RSBN1: variants seen among roughly 807,000 people sequenced by gnomAD.
RSBN1 encodes lysine-specific demethylase 9.
RSBN1 carries 23 observed loss-of-function variants against 74.8 expected under a neutral mutation model. The observed-to-expected ratio is 0.31, with a 90% CI of 0.22 to 0.44. RSBN1 has a LOEUF of 0.44. Among genes scored for constraint, RSBN1 ranks in the 20% least tolerant of loss-of-function variants. The pLI is 1.00. For missense variants in RSBN1, 808 were observed against 1,020.9 expected (o/e 0.79, Z 2.84); for synonymous variants, 407 against 379.6 (o/e 1.07, Z -0.84).
At chr1:113,798,168 G>A (rs899009587) in intron 1 of RSBN1, 132 bp from the exon 2 acceptor site, 9 of 701,172 alleles carry the variant, frequency 1.3e-5, no homozygotes, top group Non-Finnish European at 1.9e-5. Flanking sequence ...TACGTGTTTA[G>A]AAAACAAATG....
chr1:113,769,410 A>G (rs1230327466), intron 4 of RSBN1, among the ~76,000 whole-genome samples: 2 of 152,064 alleles, frequency 1.3e-5, no homozygotes, highest in Non-Finnish European at 2.9e-5. Context: ...CATTAAAATG[A>G]AAGTAAAAGT....
At position 113,797,460 on chromosome 1, in the gene RSBN1, T is replaced by C. The variant is rs1660493690; in HGVS notation, c.1280A>G (p.Asp427Gly). Reference sequence around the variant, plus strand: ...GTTGGGGAAATTAAAAGCAAAGTAGTCCAAGAAGTCTGGGAGATAAGCAGC... The same window carrying C: ...GTTGGGGAAATTAAAAGCAAAGTAGCCCAAGAAGTCTGGGAGATAAGCAGC... ...GAAAYLPDFL[D>G]YFAFNFPNTP... The change falls in exon 2 of 7, where the codon GAC (aspartate) becomes GGC (glycine). Residue 427 changes from aspartate (D) to glycine (G), a missense_variant. Physicochemically the swap from Asp to Gly is moderately conservative, Grantham distance 94. Around this residue, in one of 6 missense-constraint regions of RSBN1, gnomAD observed 112 missense variants for 257.3 expected, o/e 0.44. Transcript: ENST00000261441. The C allele has an allele frequency of 6.2e-7, 1 of 1,614,054 alleles. No homozygotes were observed. The highest frequency in any genetic ancestry group is 2.2e-5 in the East Asian group (1 of 44,880).
intron 4 of RSBN1, among the ~76,000 whole-genome samples, chr1:113,776,372 G>A (rs753219552): frequency 3.3e-5 from 5 of 152,160 alleles, no homozygotes; most frequent in Non-Finnish European, 5.9e-5. Flanking sequence ...AGGAGGTGAC[G>A]TCCAAGTTAA....
In RSBN1 at chr1:113,763,823, T is replaced by C. The variant is rs1157938900; in HGVS notation, c.*2157A>G. 6.6e-6 allele frequency: 1 copy of C among 152,656 alleles called. No individual in the cohort carries two copies. Among genetic ancestry groups the C allele is most frequent in the African/African-American group, 2.4e-5 (1 of 41,404 alleles). The allele number at this position is 152,656 out of a possible 1,614,324, so 9.5% of individuals were successfully genotyped here. On this transcript the variant is annotated 3_prime_UTR_variant, in exon 7 of 7. Coordinates refer to ENST00000261441, the MANE Select transcript of RSBN1 (RefSeq NM_018364.5). ...GTTCCTGAGTGATAATACACAGTGC[T>C]GGCTGTCAGGAGACAGTCTCCTTGT...
At chr1:113,794,248 G>T (rs1203054282) in intron 2 of RSBN1, among the ~76,000 whole-genome samples, 1 of 152,006 alleles carries the variant, frequency 6.6e-6, no homozygotes, top group Non-Finnish European at 1.5e-5. Flanking sequence ...TTATGACATG[G>T]TTACTATCGT....
rs758454157 is a variant in RSBN1, at chr1:113,797,430, G to A, written c.1310C>T (p.Pro437Leu). Residue 437 changes from proline (P) to leucine (L), a missense_variant, in exon 2 of 7, where the codon CCA (proline) becomes CTA (leucine). By Grantham distance (98) the Pro-to-Leu change is moderately conservative. Coordinates refer to ENST00000261441, the MANE Select transcript of RSBN1 (RefSeq NM_018364.5). ...CTTGCCCAGAATTTCCATTTTCACT[G>A]GAGTGTTGGGGAAATTAAAAGCAAA... ...DYFAFNFPNTPVKMEILGKKD... is the reference protein window; with the variant it reads ...DYFAFNFPNTLVKMEILGKKD... 1 of 1,614,040 alleles carries A rather than the reference G, an allele frequency of 6.2e-7. No individual in the cohort carries two copies. Among genetic ancestry groups the A allele is most frequent in the Non-Finnish European group, 8.5e-7 (1 of 1,179,964 alleles).
Position 113,797,487 on chromosome 1 carries a change from G to A in RSBN1, c.1253C>T (p.Ala418Val). 1 of 1,613,944 alleles carries A rather than the reference G, an allele frequency of 6.2e-7. No individual in the cohort carries two copies. Among genetic ancestry groups the A allele is most frequent in the Non-Finnish European group, 8.5e-7 (1 of 1,179,932 alleles). The change falls in exon 2 of 7, where the codon GCG becomes GTG. Residue 418 changes from alanine to valine, a missense_variant. Transcript: ENST00000261441. ...CAAGAAGTCTGGGAGATAAGCAGCC[G>A]CTCCATGCACTATTGCTAAAGCATA... ...AYYALAIVHG[A>V]AAYLPDFLDY...
chr1:113,770,469 C>T (rs183432611), intron 4 of RSBN1, among the ~76,000 whole-genome samples: 113 of 152,222 alleles, frequency 7.4e-4, no homozygotes, highest in African/African-American at 2.6e-3. Flanking sequence ...AAGTTTGAAC[C>T]AAAATTTTTG....
chr1:113,799,971 A>C (rs1660549193), intron 1 of RSBN1, among the ~76,000 whole-genome samples: 1 of 152,168 alleles, frequency 6.6e-6, no homozygotes, highest in African/African-American at 2.4e-5. Context: ...TTTGGAGTTA[A>C]GACAAATATT....
At chr1:113,810,995 A>T (rs1401934316) in intron 1 of RSBN1, among the ~76,000 whole-genome samples, 1 of 152,220 alleles carries the variant, frequency 6.6e-6, no homozygotes, top group Non-Finnish European at 1.5e-5. Flanking sequence ...TAACAGATCC[A>T]CAAAGTGTGC....
In RSBN1 at chr1:113,812,156, T is replaced by G; in HGVS notation, c.257A>C (p.Lys86Thr). 6.2e-7 allele frequency: 1 copy of G among 1,609,526 alleles called. No individual in the cohort carries two copies. The highest frequency in any genetic ancestry group is 8.5e-7 in the Non-Finnish European group (1 of 1,179,716). The change falls in exon 1 of 7, where the codon AAA (lysine) becomes ACA (threonine). Residue 86 changes from lysine (K) to threonine (T), a missense_variant. Lys to Thr is a moderately conservative substitution (Grantham distance 78, BLOSUM62 -1). Transcript: ENST00000261441. ...PHAGVSPRGV[K>T]RQRRSSSGGS... ...CCCACTGCTAGATCGGCGCTGCCGT[T>G]TAACTCCCCGCGGGGAGACCCCAGC...
At chr1:113,790,601 G>A (rs1484691334) in intron 2 of RSBN1, among the ~76,000 whole-genome samples, 2 of 152,066 alleles carry the variant, frequency 1.3e-5, no homozygotes, top group African/African-American at 4.8e-5. Context: ...CAACCCAATG[G>A]GAAGCATTAT....
chr1:113,805,507 CTG>C (rs1660683436), intron 1 of RSBN1, among the ~76,000 whole-genome samples: 1 of 152,272 alleles, frequency 6.6e-6, no homozygotes, highest in Admixed American at 6.5e-5. Flanking sequence ...TTAAATATCT[CTG>C]TTAAATAATC....
At chr1:113,767,614 C>G (rs1659805396) in intron 5 of RSBN1, among the ~76,000 whole-genome samples, 1 of 152,166 alleles carries the variant, frequency 6.6e-6, no homozygotes, top group Non-Finnish European at 1.5e-5. Context: ...AGCAACTTCA[C>G]TCCTGGGTGT....
rs532122970 is a variant in RSBN1, at chr1:113,763,097, A to G, written c.*2883T>C. ...TATTATTGCTTTATGAATTTGGGTTACCACTTTGAATCATCATCCTACTCC... is the reference window on the plus strand; with the variant it reads ...TATTATTGCTTTATGAATTTGGGTTGCCACTTTGAATCATCATCCTACTCC... On this transcript the variant is annotated 3_prime_UTR_variant, in exon 7 of 7. Coordinates refer to ENST00000261441, the MANE Select transcript of RSBN1 (RefSeq NM_018364.5). 3.3e-5 allele frequency: 5 copies of G among 152,888 alleles called. No individual in the cohort carries two copies. Among genetic ancestry groups the G allele is most frequent in the African/African-American group, 1.2e-4 (5 of 41,574 alleles). 9.5% of individuals were successfully genotyped at this position (152,888 alleles called of 1,614,324 possible). A position where few individuals can be genotyped will look rare whatever the true frequency, so the allele number is the denominator to read the frequency against.
At chr1:113,790,630 A>G (rs1186076615) in intron 2 of RSBN1, among the ~76,000 whole-genome samples, 1 of 152,254 alleles carries the variant, frequency 6.6e-6, no homozygotes, top group Non-Finnish European at 1.5e-5. Context: ...ATGAAGAGAC[A>G]AAGTCCCCAG....
At chr1:113,802,552 GTA>G (rs931831809) in intron 1 of RSBN1, among the ~76,000 whole-genome samples, 18 of 152,196 alleles carry the variant, frequency 1.2e-4, no homozygotes, top group African/African-American at 4.3e-4. Flanking sequence ...GTGAATCATT[GTA>G]TGTTTTTAAC....
chr1:113,771,956 T>TA (rs1659893546), intron 4 of RSBN1, among the ~76,000 whole-genome samples: 1 of 151,714 alleles, frequency 6.6e-6, no homozygotes, highest in Non-Finnish European at 1.5e-5. Flanking sequence ...GTACCAAATA[T>TA]AAAACTTTCA....
In RSBN1 at chr1:113,768,684, G is replaced by C. The variant is rs1351496221; in HGVS notation, c.1659-295C>G. The stretch of plus-strand genomic sequence containing the variant: ...CAGAAAATAAAAGTCAAAGTTTAAG[G>C]CTTCTTTACCCTCATTCATCTTATT... On this transcript the variant is annotated intron_variant, in intron 4 of 6. Transcript: ENST00000261441. Among the ~76,000 whole-genome samples, 8 of 151,982 alleles carry C rather than the reference G, an allele frequency of 5.3e-5. No homozygotes were observed. In the East Asian group the frequency reaches 1.5e-3, roughly 29 times the overall value.
Sources: gnomAD v4.1 joint callset for allele counts (sites outside exome capture counted in the v4.1 genomes callset) on GRCh38, gnomAD v4.1.1 for gene constraint, gnomAD v4.1.1 regional missense constraint, MANE v1.5 for transcripts, NCBI Gene and HGNC (gene_info 2026-07-23, HGNC 2026-07-21) for gene names.